GPC6: variants seen among roughly 807,000 people sequenced by gnomAD.
GPC6 encodes glypican-6.
A neutral mutation model predicts 55.2 loss-of-function variants in GPC6; 14 were observed. The ratio of observed to expected loss-of-function variants is 0.25; its 90% CI spans 0.17 to 0.40. The LOEUF (loss-of-function observed/expected upper bound fraction) is 0.40. GPC6 is among the 10% of genes least tolerant of loss of function. The pLI is 1.00. For missense variants in GPC6, 641 were observed against 708.5 expected, an observed-to-expected ratio of 0.90 and a Z score of 1.08; for synonymous variants, 278 against 259.6, an observed-to-expected ratio of 1.07 and a Z score of -0.68.
chr13:94,185,330 C>T (rs1296572981), intron 4 of GPC6, among the ~76,000 whole-genome samples: 6 of 151,192 alleles, frequency 4.0e-5, no homozygotes, highest in Admixed American at 4.0e-4. Flanking sequence ...TTCTGGATTA[C>T]CTGCTGTGGG....
At chr13:93,840,834 A>T (rs1209138922) in intron 3 of GPC6, among the ~76,000 whole-genome samples, 1 of 152,182 alleles carries the variant, frequency 6.6e-6, no homozygotes, top group Non-Finnish European at 1.5e-5. Flanking sequence ...GTACAGCACA[A>T]ATAAAAAAGA....
intron 2 of GPC6, among the ~76,000 whole-genome samples, chr13:93,740,768 A>G (rs189886836): frequency 2.0e-5 from 3 of 152,224 alleles, no homozygotes; most frequent in Admixed American, 6.5e-5. Context: ...TGAAAAATAA[A>G]TTCAGGTACA....
chr13:93,724,964 A>G (rs1188116504), intron 2 of GPC6, among the ~76,000 whole-genome samples: 1 of 152,026 alleles, frequency 6.6e-6, no homozygotes, highest in Non-Finnish European at 1.5e-5. Context: ...AACTAATTGT[A>G]TCTCTGTGAA....
intron 2 of GPC6, among the ~76,000 whole-genome samples, chr13:93,632,430 C>T (rs543165317): frequency 2.0e-5 from 3 of 151,626 alleles, no homozygotes; most frequent in East Asian, 2.0e-4. Flanking sequence ...AGCAACATGG[C>T]GAAATTCATC....
chr13:93,806,394 A>G lies in GPC6; in HGVS notation c.320-23760A>G, dbSNP rs144277708. Among the ~76,000 whole-genome samples the G allele has an allele frequency of 8.1e-4, 123 of 152,232 alleles. 1 individual carries two copies. The highest frequency in any genetic ancestry group is 2.8e-3 in the African/African-American group (117 of 41,544). ...CTCTTGTCACCCAGGCTGGAGGGCA[A>G]TGGCGCAGTCGCGGCTCACTGCAAC... is the stretch of plus-strand genomic sequence containing the variant. On this transcript the variant is annotated intron_variant, in intron 2 of 8. Coordinates refer to ENST00000377047, the MANE Select transcript of GPC6 (RefSeq NM_005708.5).
At chr13:93,981,445 GATAA>G (rs1322258508) in intron 3 of GPC6, among the ~76,000 whole-genome samples, 13 of 152,034 alleles carry the variant, frequency 8.6e-5, no homozygotes, top group African/African-American at 3.1e-4. Context: ...ATTAATTTAT[GATAA>G]ATAAAAATTT....
intron 1 of GPC6, among the ~76,000 whole-genome samples, chr13:93,385,093 G>A (rs1230970691): frequency 1.3e-5 from 2 of 152,336 alleles, no homozygotes; most frequent in East Asian, 3.9e-4. Context: ...AAACGGTGCT[G>A]TGATAGATAA....
intron 3 of GPC6, among the ~76,000 whole-genome samples, chr13:93,922,595 C>T (rs562588512): frequency 1.3e-5 from 2 of 152,238 alleles, no homozygotes; most frequent in Admixed American, 1.3e-4. Context: ...TATTCCTCTT[C>T]CCCCCAGCTA....
intron 2 of GPC6, among the ~76,000 whole-genome samples, chr13:93,573,323 G>T (rs1157963409): frequency 6.6e-6 from 1 of 151,968 alleles, no homozygotes; most frequent in African/African-American, 2.4e-5. Flanking sequence ...GCAATGTTAT[G>T]GATAATGTGT....
At chr13:94,272,436 T>G (rs1030295069) in intron 4 of GPC6, among the ~76,000 whole-genome samples, 3 of 150,292 alleles carry the variant, frequency 2.0e-5, no homozygotes, top group Non-Finnish European at 4.4e-5. Flanking sequence ...TGGTCCTGCT[T>G]CTTTTTCTTT....
intron 3 of GPC6, among the ~76,000 whole-genome samples, chr13:94,023,537 T>C (rs1235853560): frequency 6.6e-6 from 1 of 152,008 alleles, no homozygotes; most frequent in Non-Finnish European, 1.5e-5. Context: ...ATGTAAAATG[T>C]TACAAACAAG....
At chr13:94,317,921 A>G (rs987351596) in intron 6 of GPC6, among the ~76,000 whole-genome samples, 5 of 152,150 alleles carry the variant, frequency 3.3e-5, no homozygotes, top group Admixed American at 2.0e-4. Flanking sequence ...TTTGTGCCCA[A>G]TAACAATAGG....
chr13:93,349,233 T>C (rs572433134), intron 1 of GPC6, among the ~76,000 whole-genome samples: 2 of 150,342 alleles, frequency 1.3e-5, no homozygotes, highest in South Asian at 4.3e-4. Flanking sequence ...AGTTTGTTGA[T>C]CTTTGTAGTC....
At chr13:93,719,343 C>T (rs1190599574) in intron 2 of GPC6, among the ~76,000 whole-genome samples, 1 of 151,966 alleles carries the variant, frequency 6.6e-6, no homozygotes, top group Non-Finnish European at 1.5e-5. Flanking sequence ...CTCTTTGTAG[C>T]AATTGAGAAT....
At chr13:93,893,248 A>G (rs1594564383) in intron 3 of GPC6, among the ~76,000 whole-genome samples, 1 of 152,018 alleles carries the variant, frequency 6.6e-6, no homozygotes, top group South Asian at 2.1e-4. Context: ...TAGTAGAGAC[A>G]GTGTTTCACC....
chr13:93,904,188 AC>A (rs1294513436), intron 3 of GPC6, among the ~76,000 whole-genome samples: 4 of 152,160 alleles, frequency 2.6e-5, no homozygotes, highest in African/African-American at 9.6e-5. Flanking sequence ...CTGGCAGATT[AC>A]AGTGCTGTGC....
chr13:94,237,377 C>T (rs6492697), intron 4 of GPC6, among the ~76,000 whole-genome samples: 56,353 of 151,624 alleles, frequency 0.37, 11,023 homozygotes, highest in African/African-American at 0.49. Flanking sequence ...CCTGTAAATA[C>T]TTACTGAGTG....
At chr13:94,384,924 C>T (rs1218548576) in intron 7 of GPC6, among the ~76,000 whole-genome samples, 1 of 152,194 alleles carries the variant, frequency 6.6e-6, no homozygotes, top group East Asian at 1.9e-4. Context: ...AGTCCATCAG[C>T]AGTATGATTA....
At chr13:94,116,998 A>G (rs930157902) in intron 4 of GPC6, among the ~76,000 whole-genome samples, 2 of 152,048 alleles carry the variant, frequency 1.3e-5, no homozygotes. Flanking sequence ...CAAATACAGT[A>G]CTATGTTTCT....
Sources: gnomAD v4.1 joint callset for allele counts (sites outside exome capture counted in the v4.1 genomes callset) on GRCh38, gnomAD v4.1.1 for gene constraint, MANE v1.5 for transcripts, NCBI Gene and HGNC (gene_info 2026-07-23, HGNC 2026-07-21) for gene names.